CACNA1C: variants seen among roughly 807,000 people sequenced by gnomAD.
CACNA1C encodes calcium voltage-gated channel subunit alpha1 C.
A neutral mutation model predicts 229.0 loss-of-function variants in CACNA1C; 30 were observed. That is an observed-to-expected ratio of 0.13 (90% CI 0.10 to 0.18). The LOEUF is 0.18. Among genes scored for constraint, CACNA1C ranks in the 10% least tolerant of loss-of-function variants. The pLI is 1.00. For missense variants in CACNA1C, 1,658 were observed against 2,845.0 expected, an observed-to-expected ratio of 0.58 and a Z score of 9.49; for synonymous variants, 1,114 against 1,132.5, an observed-to-expected ratio of 0.98 and a Z score of 0.33.
chr12:2,438,414 C>T (rs1435045514), intron 3 of CACNA1C, among the ~76,000 whole-genome samples: 4 of 140,130 alleles, frequency 2.9e-5, no homozygotes, highest in East Asian at 2.1e-4. Flanking sequence ...GTGGTGATGG[C>T]GGAAGGAGGT....
chr12:2,361,727 GT>G (rs1457189929), intron 3 of CACNA1C, among the ~76,000 whole-genome samples: 3 of 152,190 alleles, frequency 2.0e-5, no homozygotes, highest in African/African-American at 7.2e-5. Flanking sequence ...ATTATCTTTT[GT>G]TTTATTTATG....
chr12:2,428,252 C>A (rs2099051528), intron 3 of CACNA1C, among the ~76,000 whole-genome samples: 1 of 152,210 alleles, frequency 6.6e-6, no homozygotes, highest in Non-Finnish European at 1.5e-5. Flanking sequence ...CCTGCAAACC[C>A]CTGCTTTAAC....
At chr12:2,239,921 G>C (rs1248337917) in intron 3 of CACNA1C, among the ~76,000 whole-genome samples, 20 of 152,202 alleles carry the variant, frequency 1.3e-4, no homozygotes, top group Admixed American at 1.3e-3. Flanking sequence ...TGTCATAAAG[G>C]GTCCACTGGT....
At chr12:2,316,376 G>T (rs1394190368) in intron 3 of CACNA1C, among the ~76,000 whole-genome samples, 3 of 152,224 alleles carry the variant, frequency 2.0e-5, no homozygotes, top group Non-Finnish European at 4.4e-5. Flanking sequence ...TATGTAATGT[G>T]CAGGGCATGT....
intron 3 of CACNA1C, among the ~76,000 whole-genome samples, chr12:2,378,279 G>A (rs1311326358): frequency 6.6e-6 from 1 of 152,180 alleles, no homozygotes; most frequent in East Asian, 1.9e-4. Flanking sequence ...ACAGCTTCCA[G>A]GAGAGTTCCA....
chr12:2,498,588 A>G (rs1354105194), intron 7 of CACNA1C, among the ~76,000 whole-genome samples: 1 of 152,248 alleles, frequency 6.6e-6, no homozygotes, highest in African/African-American at 2.4e-5. Flanking sequence ...AGAGAAGAAT[A>G]AGGCCTGCCC....
chr12:2,292,418 G>A (rs577647416), intron 3 of CACNA1C, among the ~76,000 whole-genome samples: 1 of 152,326 alleles, frequency 6.6e-6, no homozygotes, highest in South Asian at 2.1e-4. Flanking sequence ...ATATTCTGAG[G>A]TATTTGGAGA....
chr12:2,679,566 C>T lies in CACNA1C; in HGVS notation c.5214C>T (p.Gly1738=), dbSNP rs199538058. The T allele has an allele frequency of 2.4e-4, 383 of 1,613,558 alleles. 2 individuals are homozygous for T. In the East Asian group the frequency reaches 3.0e-3, roughly 13 times the overall value. ...LHINKAGSSQ[G]DTESPSHEKL... ...TCAACAAGGCGGGCAGCAGCCAGGG[C>T]GACACTGAGTCGCCATCCCACGAGA... The change falls in exon 42 of 47, where the codon GGC becomes GGT. Residue 1738 remains glycine, a synonymous_variant. Coordinates refer to ENST00000399655, the MANE Select transcript of CACNA1C (RefSeq NM_000719.7). The surrounding 1 kb of genome is among the most constrained non-coding windows in gnomAD (Gnocchi z 5.5).
intron 3 of CACNA1C, among the ~76,000 whole-genome samples, chr12:2,404,582 G>A (rs1048565925): frequency 6.6e-6 from 1 of 152,152 alleles, no homozygotes; most frequent in East Asian, 1.9e-4. Flanking sequence ...TGCTGTGCAC[G>A]CCTCTCCTAA....
intron 29 of CACNA1C, among the ~76,000 whole-genome samples, chr12:2,626,242 G>A (rs778058863): frequency 3.3e-5 from 5 of 152,202 alleles, no homozygotes; most frequent in Non-Finnish European, 7.3e-5. Context: ...CTCTCTCCAG[G>A]AGCACTCGCC....
At chr12:2,183,973 C>A (rs763601568) in intron 3 of CACNA1C, among the ~76,000 whole-genome samples, 41 of 152,212 alleles carry the variant, frequency 2.7e-4, no homozygotes, top group Non-Finnish European at 4.6e-4. Flanking sequence ...ACAGAGTGAT[C>A]TGGTATGTGC....
intron 9 of CACNA1C, among the ~76,000 whole-genome samples, chr12:2,545,504 A>G (rs1194473494): frequency 6.6e-6 from 1 of 152,102 alleles, no homozygotes; most frequent in East Asian, 1.9e-4. Flanking sequence ...TCCTGGGCCA[A>G]ATGAGCTGTT....
chr12:2,087,145 G>A (rs1362225624), intron 1 of CACNA1C, among the ~76,000 whole-genome samples: 2 of 151,992 alleles, frequency 1.3e-5, no homozygotes, highest in Admixed American at 1.3e-4. Context: ...CTCTTTTCTT[G>A]CTGGCCTGTC....
chr12:2,510,279 G>A (rs2099780758), intron 8 of CACNA1C, among the ~76,000 whole-genome samples: 1 of 152,182 alleles, frequency 6.6e-6, no homozygotes, highest in African/African-American at 2.4e-5. Context: ...GATAAAGAGA[G>A]CCAGGCACTG....
At chr12:2,126,818 A>C (rs760890049) in intron 3 of CACNA1C, among the ~76,000 whole-genome samples, 17 of 152,228 alleles carry the variant, frequency 1.1e-4, no homozygotes, top group Non-Finnish European at 2.2e-4. Context: ...TAAACTTCAC[A>C]GGACATGCCC....
chr12:2,457,675 G>T lies in CACNA1C; in HGVS notation c.726G>T (p.Leu242=). 6.2e-7 allele frequency: 1 copy of T among 1,604,042 alleles called. No individual in the cohort carries two copies. The highest frequency in any genetic ancestry group is 2.2e-5 in the East Asian group (1 of 44,736). Residue 242 remains leucine (L), a synonymous_variant, in exon 5 of 47, where the codon CTG becomes CTT. Transcript: ENST00000399655. ...DVKALRAFRV[L]RPLRLVSGVP... is the part of the protein sequence containing the mutation. ...AGGCGCTGAGGGCCTTCCGCGTGCT[G>T]CGCCCCCTGCGGCTGGTGTCCGGAG...
chr12:2,124,224 G>T (rs1328338764), intron 3 of CACNA1C, among the ~76,000 whole-genome samples: 1 of 151,932 alleles, frequency 6.6e-6, no homozygotes, highest in Non-Finnish European at 1.5e-5. Context: ...GTAAACAGTT[G>T]TTTCAAATAG....
chr12:2,174,334 C>T (rs2096583545), intron 3 of CACNA1C, among the ~76,000 whole-genome samples: 1 of 152,140 alleles, frequency 6.6e-6, no homozygotes, highest in Non-Finnish European at 1.5e-5. Flanking sequence ...TACTTGACCT[C>T]CAACCAGAAT....
At chr12:2,518,196 T>C (rs185849914) in intron 9 of CACNA1C, among the ~76,000 whole-genome samples, 1 of 152,312 alleles carries the variant, frequency 6.6e-6, no homozygotes, top group Non-Finnish European at 1.5e-5. Context: ...GGAAGGCTTG[T>C]AAGAGCTGCA....
Sources: gnomAD v4.1 joint callset for allele counts (sites outside exome capture counted in the v4.1 genomes callset) on GRCh38, gnomAD v4.1.1 for gene constraint, Gnocchi (gnomAD v3.1) non-coding constraint, MANE v1.5 for transcripts, NCBI Gene and HGNC (gene_info 2026-07-23, HGNC 2026-07-21) for gene names.